Variants in NTM observed in about 807,000 individuals in gnomAD.
NTM encodes neurotrimin.
Under a neutral mutation model 42.1 loss-of-function variants are expected in NTM, and 13 were observed. The observed-to-expected ratio is 0.31, with a 90% CI of 0.20 to 0.49. NTM has a LOEUF of 0.49. Among genes scored for constraint, NTM ranks in the 20% least tolerant of loss-of-function variants. NTM has a pLI of 0.99. For synonymous variants in NTM, 187 were observed against 179.2 expected (o/e 1.04, Z -0.35); for missense variants, 373 against 452.8 (o/e 0.82, Z 1.60).
intron 1 of NTM, among the ~76,000 whole-genome samples, chr11:131,590,604 A>C (rs976024857): frequency 2.0e-5 from 3 of 152,240 alleles, no homozygotes; most frequent in Non-Finnish European, 2.9e-5. Flanking sequence ...GGCCACTGGC[A>C]GCATTTACAA....
chr11:131,709,075 T>C (rs765307157), intron 1 of NTM, among the ~76,000 whole-genome samples: 10 of 152,132 alleles, frequency 6.6e-5, no homozygotes, highest in Non-Finnish European at 1.5e-4. Context: ...AAAGTTCTCT[T>C]TGCAGATATG....
At chr11:132,326,651 AAGAAGACTGTGGATATC>A (rs1299443008) in intron 7 of NTM, among the ~76,000 whole-genome samples, 1 of 152,234 alleles carries the variant, frequency 6.6e-6, no homozygotes, top group Non-Finnish European at 1.5e-5. Flanking sequence ...TGGGTCAGCG[AAGAAGACTGTGGATATC>A]TAAAACGTTA....
At chr11:131,671,823 G>A (rs1461491050) in intron 1 of NTM, among the ~76,000 whole-genome samples, 1 of 152,192 alleles carries the variant, frequency 6.6e-6, no homozygotes, top group African/African-American at 2.4e-5. Flanking sequence ...TGGAGGCAAT[G>A]ATATTTGTTG....
intron 2 of NTM, among the ~76,000 whole-genome samples, chr11:132,091,254 A>G (rs956974927): frequency 2.0e-5 from 3 of 151,924 alleles, no homozygotes; most frequent in Non-Finnish European, 2.9e-5. Context: ...ATACAAAAAA[A>G]CAAATTAGCT....
intron 3 of NTM, among the ~76,000 whole-genome samples, chr11:132,196,190 G>GA (rs374378488): frequency 8.6e-5 from 13 of 151,654 alleles, no homozygotes; most frequent in African/African-American, 2.2e-4. Flanking sequence ...AAATATATGG[G>GA]AAAAAAAAGC....
chr11:131,504,667 A>T (rs527944900), intron 1 of NTM, among the ~76,000 whole-genome samples: 1 of 151,942 alleles, frequency 6.6e-6, no homozygotes, highest in South Asian at 2.1e-4. Flanking sequence ...GGCCTTTCCA[A>T]ACTCTTCCTG....
intron 2 of NTM, among the ~76,000 whole-genome samples, chr11:131,982,839 A>G (rs138697259): frequency 8.5e-5 from 13 of 152,336 alleles, no homozygotes; most frequent in African/African-American, 2.9e-4. Context: ...AATTTAATCA[A>G]GGCAAGATTT....
intron 4 of NTM, among the ~76,000 whole-genome samples, chr11:132,244,402 A>G (rs2090729934): frequency 6.6e-6 from 1 of 152,250 alleles, no homozygotes; most frequent in Admixed American, 6.5e-5. Flanking sequence ...AAGTTGAGAC[A>G]GCACTCCTCA....
At chr11:132,257,901 G>A (rs530194357) in intron 4 of NTM, among the ~76,000 whole-genome samples, 5 of 152,258 alleles carry the variant, frequency 3.3e-5, no homozygotes, top group South Asian at 4.1e-4. Flanking sequence ...AGGGGCCTTC[G>A]ATTTCCTAAT....
At chr11:131,788,733 A>AT (rs1279180031) in intron 1 of NTM, among the ~76,000 whole-genome samples, 1 of 152,032 alleles carries the variant, frequency 6.6e-6, no homozygotes, top group Non-Finnish European at 1.5e-5. Flanking sequence ...AATCTTTGGT[A>AT]TTTTTTAGGG....
chr11:131,660,198 G>A, intron 1 of NTM: 1 of 275,264 alleles, frequency 3.6e-6, no homozygotes, highest in Non-Finnish European at 7.5e-6. Flanking sequence ...GGGTGGGCCA[G>A]TTTGCATCAT....
chr11:131,739,192 T>C (rs1591526703), intron 1 of NTM, among the ~76,000 whole-genome samples: 1 of 152,206 alleles, frequency 6.6e-6, no homozygotes, highest in East Asian at 1.9e-4. Flanking sequence ...GTTTTCTTTT[T>C]TTTTTTTTAA....
At chr11:131,717,271 A>C (rs925793562) in intron 1 of NTM, among the ~76,000 whole-genome samples, 1 of 152,192 alleles carries the variant, frequency 6.6e-6, no homozygotes, top group African/African-American at 2.4e-5. Context: ...TCTACTAAAA[A>C]ATTTCCTGGT....
intron 2 of NTM, among the ~76,000 whole-genome samples, chr11:132,005,363 T>A (rs1296592794): frequency 6.6e-6 from 1 of 152,214 alleles, no homozygotes; most frequent in African/African-American, 2.4e-5. Flanking sequence ...TTCCTTATTC[T>A]GTGGACATTG....
chr11:132,320,763 C>T (rs1362626617), intron 7 of NTM, among the ~76,000 whole-genome samples: 1 of 151,858 alleles, frequency 6.6e-6, no homozygotes, highest in Non-Finnish European at 1.5e-5. Flanking sequence ...CCTCTGCAGA[C>T]TTAAATGTCC....
At chr11:131,910,920 G>T in intron 1 of NTM, 1 of 986,782 alleles carries the variant, frequency 1.0e-6, no homozygotes, top group Non-Finnish European at 1.2e-6. Context: ...TCTCCTCCGC[G>T]CGCCACCCCT....
chr11:131,688,181 G>GC (rs764443601), intron 1 of NTM, among the ~76,000 whole-genome samples: 4 of 152,124 alleles, frequency 2.6e-5, no homozygotes, highest in Non-Finnish European at 4.4e-5. Context: ...GGGCACCCGC[G>GC]CCCCCCGAGC....
At chr11:132,133,031 G>A (rs547999499) in intron 2 of NTM, among the ~76,000 whole-genome samples, 1 of 152,212 alleles carries the variant, frequency 6.6e-6, no homozygotes, top group Non-Finnish European at 1.5e-5. Flanking sequence ...AAAGAATCAG[G>A]AGATGCTCGC....
intron 1 of NTM, among the ~76,000 whole-genome samples, chr11:131,747,379 A>G (rs1446293210): frequency 6.6e-6 from 1 of 152,156 alleles, no homozygotes. Context: ...GCTAGCACAC[A>G]TATCTGTGCC....
Sources: gnomAD v4.1 joint callset for allele counts (sites outside exome capture counted in the v4.1 genomes callset) on GRCh38, gnomAD v4.1.1 for gene constraint, MANE v1.5 for transcripts, NCBI Gene and HGNC (gene_info 2026-07-23, HGNC 2026-07-21) for gene names.